BDNF: variants seen among roughly 807,000 people sequenced by gnomAD.
The protein encoded by BDNF is brain derived neurotrophic factor.
In BDNF, 1 loss-of-function variant was observed where a neutral mutation model predicts 19.5. That is an observed-to-expected ratio of 0.05 (90% CI 0.02 to 0.24). The LOEUF is 0.24. BDNF is among the 10% of genes least tolerant of loss of function. BDNF has a pLI of 1.00. For synonymous variants in BDNF, 100 were observed against 121.6 expected, an observed-to-expected ratio of 0.82 and a Z score of 1.17; for missense variants, 195 against 317.6, an observed-to-expected ratio of 0.61 and a Z score of 2.93.
chr11:27,716,484 C>G (rs1860521223), intron 1 of BDNF, among the ~76,000 whole-genome samples: 1 of 150,590 alleles, frequency 6.6e-6, no homozygotes, highest in East Asian at 1.9e-4. Flanking sequence ...CACACACACA[C>G]AGCAGTAGCA....
At chr11:27,659,353 T>C (rs144549848) in intron 1 of BDNF, 1 of 1,000,390 alleles carries the variant, frequency 1.0e-6, no homozygotes, top group East Asian at 1.1e-4. Flanking sequence ...GAAAATGTTT[T>C]GCTTATTTCT....
At chr11:27,678,798 G>C (rs1273524584) in intron 1 of BDNF, among the ~76,000 whole-genome samples, 1 of 151,614 alleles carries the variant, frequency 6.6e-6, no homozygotes, top group Non-Finnish European at 1.5e-5. Flanking sequence ...TCTTTAAAAG[G>C]GGTTAAAAAA....
upstream of BDNF, chr11:27,700,558 C>T: frequency 5.3e-6 from 5 of 934,938 alleles, no homozygotes; most frequent in Non-Finnish European, 6.3e-6. Context: ...GCTCCCCGCT[C>T]GCCCGCGCTA....
chr11:27,676,903 A>G (rs1267358566), intron 1 of BDNF: 1 of 152,206 alleles, frequency 6.6e-6, no homozygotes, highest in Non-Finnish European at 1.5e-5. Flanking sequence ...TTTTGGTTCT[A>G]AAAAACACTG....
chr11:27,700,988 C>T (rs377250764), upstream of BDNF: 45 of 1,361,382 alleles, frequency 3.3e-5, no homozygotes, highest in African/African-American at 6.5e-4. Context: ...CACCTTCCTG[C>T]ACTACGGAGC....
intron 1 of BDNF, among the ~76,000 whole-genome samples, chr11:27,659,937 G>A (rs184768428): frequency 6.6e-6 from 1 of 152,326 alleles, no homozygotes; most frequent in Admixed American, 6.5e-5. Context: ...CCGTCAGGTG[G>A]TGAAGGACTT....
chr11:27,699,576 A>C, intron 1 of BDNF: 7 of 1,504,138 alleles, frequency 4.7e-6, no homozygotes, highest in Non-Finnish European at 6.2e-6. Flanking sequence ...TCCCAGCGGT[A>C]GGAATTCCGC....
At chr11:27,683,682 T>C (rs1857129784) in intron 1 of BDNF, among the ~76,000 whole-genome samples, 1 of 152,220 alleles carries the variant, frequency 6.6e-6, no homozygotes, top group South Asian at 2.1e-4. Flanking sequence ...GCATTGCTTG[T>C]TTTTGTCATG....
chr11:27,656,614 T>G lies in BDNF; in HGVS notation c.*1207A>C. On this transcript the variant is annotated 3_prime_UTR_variant, in exon 2 of 2. Transcript: ENST00000356660. ...ACATAGCCTCCATTTGGCTGTTCAG[T>G]CTCATGTCACTGGCAATGTGGATTC... 3.0e-6 allele frequency: 3 copies of G among 985,816 alleles called. No individual in the cohort carries two copies. The highest frequency in any genetic ancestry group is 3.6e-6 in the Non-Finnish European group (3 of 829,948). The allele number at this position is 985,816 out of a possible 1,614,324, so 61.1% of individuals were successfully genotyped here.
chr11:27,669,314 A>G (rs570246626), intron 1 of BDNF, among the ~76,000 whole-genome samples: 1 of 152,360 alleles, frequency 6.6e-6, no homozygotes, highest in African/African-American at 2.4e-5. Context: ...TGAATGGGCA[A>G]AAGCTGGAAG....
At chr11:27,700,686 A>G (rs537708379), upstream of BDNF, 898 of 1,153,486 alleles carry the variant, frequency 7.8e-4, no homozygotes, top group South Asian at 1.3e-3. Flanking sequence ...CTCCTCCCCT[A>G]GGGCCCCGCG....
At chr11:27,660,984 T>C (rs888346212) in intron 1 of BDNF, among the ~76,000 whole-genome samples, 1 of 152,236 alleles carries the variant, frequency 6.6e-6, no homozygotes, top group Non-Finnish European at 1.5e-5. Flanking sequence ...CTTATCTTTT[T>C]ATTAATAACT....
Position 27,658,080 on chromosome 11 carries a change from C to T in BDNF, c.485G>A (p.Gly162Glu). Reference protein sequence around the residue: ...DKKTAVDMSGGTVTVLEKVPV... With the variant: ...DKKTAVDMSGETVTVLEKVPV... The stretch of plus-strand genomic sequence containing the variant: ...GACCTTTTCAAGGACTGTGACCGTC[C>T]CGCCCGACATGTCCACTGCAGTCTT... Residue 162 changes from glycine to glutamate, a missense_variant, in exon 2 of 2, where the codon GGG becomes GAG. Coordinates refer to ENST00000356660, the MANE Select transcript of BDNF (RefSeq NM_001709.5). This position sits in a 1 kb window ranked among gnomAD's most constrained non-coding sequence, Gnocchi z 5.7. 1 of 1,614,100 alleles carries T rather than the reference C, an allele frequency of 6.2e-7. No individual in the cohort carries two copies. Among genetic ancestry groups the T allele is most frequent in the Non-Finnish European group, 8.5e-7 (1 of 1,180,024 alleles).
rs552486468 is a variant in BDNF at position 27,664,023 on chromosome 11, C to G, written c.-21-5438G>C. On this transcript the variant is annotated intron_variant, in intron 1 of 1. Transcript: ENST00000356660. ...AAAACAAGCAACAGTACAGATAATTCAGGCATACAGAAAAAAAAAAAAGTC... is the reference window on the plus strand; with the variant it reads ...AAAACAAGCAACAGTACAGATAATTGAGGCATACAGAAAAAAAAAAAAGTC... Among the ~76,000 whole-genome samples, 60 of 150,792 alleles carry G rather than the reference C, an allele frequency of 4.0e-4. 1 individual carries two copies. Among genetic ancestry groups the G allele is most frequent in the African/African-American group, 1.4e-3 (59 of 40,966 alleles).
At chr11:27,672,247 C>T (rs921561123) in intron 1 of BDNF, among the ~76,000 whole-genome samples, 1 of 152,132 alleles carries the variant, frequency 6.6e-6, no homozygotes, top group East Asian at 1.9e-4. Flanking sequence ...GACATCTACA[C>T]AATCATTAAT....
intron 1 of BDNF, among the ~76,000 whole-genome samples, chr11:27,712,927 C>CTTTTTTT (rs112937534): frequency 8.5e-5 from 10 of 117,264 alleles, no homozygotes; most frequent in Non-Finnish European, 9.0e-5. Flanking sequence ...TTCTTTCTTT[C>CTTTTTTT]TTTTTTTTTT....
intron 1 of BDNF, among the ~76,000 whole-genome samples, chr11:27,695,078 A>G (rs1226925359): frequency 6.6e-6 from 1 of 152,090 alleles, no homozygotes; most frequent in Non-Finnish European, 1.5e-5. Flanking sequence ...CCCCACCCCC[A>G]TACACACTCA....
exon 1 of BDNF, chr11:27,721,954 T>C (rs1003389629): frequency 6.5e-6 from 1 of 154,446 alleles, no homozygotes; most frequent in Admixed American, 6.4e-5. Context: ...CTCGGGAGAT[T>C]TCCCTGTCGC....
chr11:27,699,995 T>C (rs1241004146), intron 1 of BDNF, among the ~76,000 whole-genome samples, 169 bp downstream of exon 1: 2 of 152,072 alleles, frequency 1.3e-5, no homozygotes, highest in African/African-American at 4.8e-5. Flanking sequence ...GGTTGTGGGA[T>C]GGGGGAGAAA....
Sources: gnomAD v4.1 joint callset for allele counts (sites outside exome capture counted in the v4.1 genomes callset) on GRCh38, gnomAD v4.1.1 for gene constraint, Gnocchi (gnomAD v3.1) non-coding constraint, MANE v1.5 for transcripts, NCBI Gene and HGNC (gene_info 2026-07-23, HGNC 2026-07-21) for gene names.